Variants in ATOSA observed in about 807,000 individuals in gnomAD.
The protein encoded by ATOSA is atos homolog A.
the ATOSA span, among the ~76,000 whole-genome samples, chr15:52,701,865 C>A: frequency 9.2e-5 from 14 of 151,974 alleles, no homozygotes; most frequent in African/African-American, 3.4e-4. Context: ...AGACCAGGGC[C>A]AAGGTGGGAG....
At chr15:52,613,967 A>C in the ATOSA span, 1 of 887,034 alleles carries the variant, frequency 1.1e-6, no homozygotes, top group Non-Finnish European at 1.8e-6. Flanking sequence ...CATTTAACAT[A>C]GAGTGAAAAT....
the ATOSA span, among the ~76,000 whole-genome samples, chr15:52,652,337 T>A: frequency 6.6e-6 from 1 of 152,214 alleles, no homozygotes; most frequent in African/African-American, 2.4e-5. Flanking sequence ...TTTATTTCAG[T>A]TAGTGATGCA....
the ATOSA span, among the ~76,000 whole-genome samples, chr15:52,626,167 C>G: frequency 2.0e-4 from 30 of 152,254 alleles, no homozygotes; most frequent in Admixed American, 1.4e-3. Flanking sequence ...AAATCATTTG[C>G]CCAAGGCCAC....
At chr15:52,656,058 T>C in the ATOSA span, 4 of 152,022 alleles carry the variant, frequency 2.6e-5, no homozygotes, top group Non-Finnish European at 5.9e-5. Context: ...TAGCATACAT[T>C]AGTTGTATAC....
the ATOSA span, among the ~76,000 whole-genome samples, chr15:52,700,406 C>T: frequency 1.3e-5 from 2 of 152,074 alleles, no homozygotes; most frequent in African/African-American, 2.4e-5. Flanking sequence ...TCTCTGCCCC[C>T]TCTCCTCCCC....
the ATOSA span, chr15:52,608,903 C>T: frequency 6.2e-7 from 1 of 1,608,234 alleles, no homozygotes; most frequent in Non-Finnish European, 8.5e-7. Flanking sequence ...TGAAGATTGC[C>T]AAAGAATTTT....
chr15:52,621,708 G>A, the ATOSA span, among the ~76,000 whole-genome samples: 3 of 152,120 alleles, frequency 2.0e-5, no homozygotes, highest in Non-Finnish European at 4.4e-5. Flanking sequence ...CACTTAAGAT[G>A]TGCCTTTCAC....
the ATOSA span, chr15:52,586,168 CCTTTA>C: frequency 5.3e-5 from 8 of 152,180 alleles, no homozygotes; most frequent in Non-Finnish European, 1.0e-4. Context: ...CACTGTCACT[CCTTTA>C]CTTCAAGAAA....
chr15:52,695,070 G>A, the ATOSA span, among the ~76,000 whole-genome samples: 18 of 152,004 alleles, frequency 1.2e-4, 1 homozygote, highest in Admixed American at 2.6e-4. Context: ...GATTACAGGC[G>A]TGCATCACCA....
the ATOSA span, among the ~76,000 whole-genome samples, chr15:52,633,384 G>T: frequency 1.8e-4 from 27 of 152,188 alleles, no homozygotes; most frequent in African/African-American, 6.5e-4. Context: ...CCAGCAGACA[G>T]GACAGGACTG....
At chr15:52,651,943 T>A in the ATOSA span, 1 of 1,535,150 alleles carries the variant, frequency 6.5e-7, no homozygotes, top group Non-Finnish European at 8.7e-7. Context: ...GCCTTCTGGC[T>A]ATCAATAGCT....
chr15:52,586,187 G>A, the ATOSA span: 1 of 152,012 alleles, frequency 6.6e-6, no homozygotes, highest in Non-Finnish European at 1.5e-5. Context: ...CAAGAAATCG[G>A]TTTACTTGTG....
At chr15:52,643,786 G>T in the ATOSA span, among the ~76,000 whole-genome samples, 1 of 151,870 alleles carries the variant, frequency 6.6e-6, no homozygotes, top group Non-Finnish European at 1.5e-5. Context: ...GGTGGCGTGT[G>T]CCTGTAATCC....
At chr15:52,685,741 C>T in the ATOSA span, among the ~76,000 whole-genome samples, 1 of 152,122 alleles carries the variant, frequency 6.6e-6, no homozygotes, top group Non-Finnish European at 1.5e-5. Context: ...CAGGGTCTCA[C>T]TCTGTCACCC....
At chr15:52,638,302 T>TCTAC in the ATOSA span, among the ~76,000 whole-genome samples, 1 of 152,052 alleles carries the variant, frequency 6.6e-6, no homozygotes, top group South Asian at 2.1e-4. Context: ...GAAACATCTA[T>TCTAC]ATATTTAAAA....
the ATOSA span, among the ~76,000 whole-genome samples, chr15:52,630,063 T>C: frequency 2.0e-5 from 3 of 152,200 alleles, no homozygotes; most frequent in African/African-American, 7.2e-5. Flanking sequence ...ACTGTACTTT[T>C]GTTTCCTGTG....
At chr15:52,642,085 A>C in the ATOSA span, among the ~76,000 whole-genome samples, 134,702 of 152,212 alleles carry the variant, frequency 0.88, 59,746 homozygotes, top group East Asian at 1. Context: ...TTGTGTTATT[A>C]TGAAATCCTC....
At chr15:52,587,473 G>C in the ATOSA span, 1 of 271,738 alleles carries the variant, frequency 3.7e-6, no homozygotes, top group Non-Finnish European at 6.9e-6. Context: ...TTAAGATATA[G>C]GAATAAAAGA....
the ATOSA span, chr15:52,590,532 T>C: frequency 6.6e-6 from 1 of 152,250 alleles, no homozygotes; most frequent in Non-Finnish European, 1.5e-5. Context: ...TGTGAGTCAT[T>C]TGTATAATCT....
Sources: allele counts gnomAD v4.1 joint callset (sites outside exome capture counted in the v4.1 genomes callset), GRCh38; gene constraint gnomAD v4.1.1; transcripts MANE v1.5; gene names NCBI Gene and HGNC (gene_info 2026-07-23, HGNC 2026-07-21).